Variants in CTNNA2 observed in about 807,000 individuals in gnomAD.
The protein encoded by CTNNA2 is catenin alpha 2, also known as catenin alpha-2.
In CTNNA2, 42 loss-of-function variants were observed where a neutral mutation model predicts 101.0. The observed-to-expected ratio is 0.42, with a 90% CI of 0.32 to 0.54. CTNNA2 has a LOEUF of 0.54. CTNNA2 is among the 20% of genes least tolerant of loss of function. CTNNA2 has a pLI of 0.14. For missense variants in CTNNA2, 871 were observed against 1,223.1 expected (o/e 0.71, Z 4.29); for synonymous variants, 450 against 456.4 (o/e 0.99, Z 0.18).
At chr2:80,404,819 T>C (rs900619040) in intron 8 of CTNNA2, among the ~76,000 whole-genome samples, 1 of 152,170 alleles carries the variant, frequency 6.6e-6, no homozygotes, top group South Asian at 2.1e-4. Flanking sequence ...TTGGGTAATT[T>C]TACTTGTTAG....
intron 7 of CTNNA2, among the ~76,000 whole-genome samples, chr2:80,154,598 G>A (rs529582229): frequency 1.4e-4 from 22 of 152,298 alleles, no homozygotes; most frequent in African/African-American, 5.3e-4. Context: ...TTCTAGGCCT[G>A]TATGGGTATT....
intron 2 of CTNNA2, among the ~76,000 whole-genome samples, chr2:79,653,699 A>G (rs1270230646): frequency 6.6e-6 from 1 of 152,134 alleles, no homozygotes; most frequent in Non-Finnish European, 1.5e-5. Flanking sequence ...TTTCCCAATC[A>G]TCAAGTCCTG....
chr2:79,745,128 A>G (rs1275933612), intron 3 of CTNNA2, among the ~76,000 whole-genome samples: 18 of 152,198 alleles, frequency 1.2e-4, no homozygotes, highest in Admixed American at 1.2e-3. Context: ...TATAAAATAT[A>G]CAACATAAAG....
chr2:80,212,585 A>G (rs1707969509), intron 7 of CTNNA2, among the ~76,000 whole-genome samples: 1 of 152,150 alleles, frequency 6.6e-6, no homozygotes. Context: ...ATCGTGGTGG[A>G]TAAACTTTTT....
At chr2:80,592,047 G>A (rs911386466) in intron 15 of CTNNA2, among the ~76,000 whole-genome samples, 5 of 152,054 alleles carry the variant, frequency 3.3e-5, no homozygotes, top group Non-Finnish European at 5.9e-5. Context: ...AACAAAAGGC[G>A]TGCAGATAGC....
At chr2:80,367,160 G>A (rs1675013455) in intron 7 of CTNNA2, among the ~76,000 whole-genome samples, 1 of 152,028 alleles carries the variant, frequency 6.6e-6, no homozygotes, top group South Asian at 2.1e-4. Flanking sequence ...TAGGGTAGTG[G>A]GACCCCAAGA....
At chr2:79,592,453 A>C (rs1048728243) in intron 1 of CTNNA2, among the ~76,000 whole-genome samples, 2 of 152,200 alleles carry the variant, frequency 1.3e-5, no homozygotes, top group Admixed American at 1.3e-4. Flanking sequence ...TCTTGTAGTG[A>C]TGCCAGATGA....
intron 2 of CTNNA2, among the ~76,000 whole-genome samples, chr2:79,671,213 G>A (rs559437439): frequency 6.6e-6 from 1 of 152,196 alleles, no homozygotes; most frequent in South Asian, 2.1e-4. Context: ...GTGTTAAAAT[G>A]TTACAAGGAG....
chr2:79,821,781 C>T (rs1170638782), intron 3 of CTNNA2, among the ~76,000 whole-genome samples: 1 of 152,090 alleles, frequency 6.6e-6, no homozygotes, highest in Non-Finnish European at 1.5e-5. Context: ...ACATATGGAA[C>T]AAGAACCTGG....
chr2:79,540,791 G>A (rs1305575018), intron 1 of CTNNA2, among the ~76,000 whole-genome samples: 1 of 151,980 alleles, frequency 6.6e-6, no homozygotes, highest in Non-Finnish European at 1.5e-5. Context: ...GTAGTTTTTG[G>A]ACACCATTTA....
chr2:79,852,421 A>C (rs1003950112), intron 3 of CTNNA2, among the ~76,000 whole-genome samples: 1 of 152,296 alleles, frequency 6.6e-6, no homozygotes, highest in South Asian at 2.1e-4. Flanking sequence ...TCATGTCTTA[A>C]TCTGCTCTTA....
At chr2:79,604,114 T>C (rs1335193146) in intron 1 of CTNNA2, among the ~76,000 whole-genome samples, 1 of 152,170 alleles carries the variant, frequency 6.6e-6, no homozygotes, top group Non-Finnish European at 1.5e-5. Flanking sequence ...GCAGTGCAAT[T>C]TGTAATAGTG....
intron 7 of CTNNA2, among the ~76,000 whole-genome samples, chr2:80,024,275 AT>A (rs1354668850): frequency 6.7e-6 from 1 of 149,928 alleles, no homozygotes; most frequent in East Asian, 1.9e-4. Flanking sequence ...ACACACATAA[AT>A]AAGACTTTTC....
intron 9 of CTNNA2, among the ~76,000 whole-genome samples, chr2:80,461,835 A>G (rs1684455151): frequency 6.6e-6 from 1 of 152,086 alleles, no homozygotes; most frequent in Admixed American, 6.5e-5. Context: ...GAAGAATGAT[A>G]TTTTCCACTT....
intron 7 of CTNNA2, chr2:80,328,167 C>T (rs1440722398): frequency 9.5e-6 from 4 of 421,202 alleles, no homozygotes; most frequent in African/African-American, 4.1e-5. Context: ...CGCTCACCCA[C>T]ATTCTAATCC....
chr2:80,176,274 C>A (rs2148971207), intron 7 of CTNNA2, among the ~76,000 whole-genome samples: 1 of 152,268 alleles, frequency 6.6e-6, no homozygotes, highest in African/African-American at 2.4e-5. Context: ...CAATTCCCAA[C>A]CCAAATGCTA....
chr2:80,068,211 C>T (rs1698105591), intron 7 of CTNNA2, among the ~76,000 whole-genome samples: 1 of 152,188 alleles, frequency 6.6e-6, no homozygotes, highest in Non-Finnish European at 1.5e-5. Flanking sequence ...AGAGCAACCT[C>T]ACAACCTCAC....
chr2:80,585,200 T>C (rs1446918148), intron 14 of CTNNA2, among the ~76,000 whole-genome samples: 1 of 152,168 alleles, frequency 6.6e-6, no homozygotes, highest in African/African-American at 2.4e-5. Flanking sequence ...AAGATAATTA[T>C]ATCAAAATCT....
At chr2:79,186,221 A>T (rs928401531) in intron 1 of CTNNA2, among the ~76,000 whole-genome samples, 3 of 152,212 alleles carry the variant, frequency 2.0e-5, no homozygotes, top group African/African-American at 7.2e-5. Context: ...AGATATTTTC[A>T]TCTTTGAAAA....
Sources: allele counts gnomAD v4.1 joint callset (sites outside exome capture counted in the v4.1 genomes callset), GRCh38; gene constraint gnomAD v4.1.1; transcripts MANE v1.5; gene names NCBI Gene and HGNC (gene_info 2026-07-23, HGNC 2026-07-21).